PLXDC2: variants seen among roughly 807,000 people sequenced by gnomAD.
PLXDC2 encodes plexin domain containing 2.
In PLXDC2, 40 loss-of-function variants were observed where a neutral mutation model predicts 68.9. That is an observed-to-expected ratio of 0.58 (90% CI 0.45 to 0.76). The LOEUF (loss-of-function observed/expected upper bound fraction) is 0.76. PLXDC2 is among the 30% of genes least tolerant of loss of function. The pLI, the probability that PLXDC2 is intolerant of heterozygous loss-of-function variation, is 0.00. For synonymous variants in PLXDC2, 243 were observed against 234.2 expected, an observed-to-expected ratio of 1.04 and a Z score of -0.34; for missense variants, 644 against 661.9, an observed-to-expected ratio of 0.97 and a Z score of 0.30.
chr10:20,110,678 G>A (rs538934539), intron 4 of PLXDC2, among the ~76,000 whole-genome samples: 8 of 152,228 alleles, frequency 5.3e-5, no homozygotes, highest in African/African-American at 1.9e-4. Flanking sequence ...CCCCCACACT[G>A]TTCCTCCCGG....
intron 1 of PLXDC2, among the ~76,000 whole-genome samples, chr10:19,855,917 G>C (rs113685638): frequency 0.011 from 1,628 of 152,064 alleles, 11 homozygotes; most frequent in Non-Finnish European, 0.017. Context: ...AATCCCATCT[G>C]TACTAAAAAA....
intron 3 of PLXDC2, among the ~76,000 whole-genome samples, chr10:20,064,984 C>G (rs1256215933): frequency 2.0e-5 from 3 of 152,064 alleles, no homozygotes; most frequent in African/African-American, 7.2e-5. Context: ...ATGTCCAACA[C>G]TGTACCTGCT....
At chr10:20,263,751 A>G (rs1205129436) in intron 13 of PLXDC2, among the ~76,000 whole-genome samples, 1 of 152,194 alleles carries the variant, frequency 6.6e-6, no homozygotes, top group Non-Finnish European at 1.5e-5. Flanking sequence ...AAGAAATGCA[A>G]ATCAAAACAA....
intron 12 of PLXDC2, among the ~76,000 whole-genome samples, chr10:20,226,995 C>T (rs770532597): frequency 1.1e-4 from 17 of 151,914 alleles, no homozygotes; most frequent in South Asian, 2.1e-4. Flanking sequence ...TGCCCCTTCT[C>T]GGTGTGTTCT....
Position 20,282,927 on chromosome 10 carries a change from G to A in PLXDC2, c.*3108G>A, listed in dbSNP as rs1220258050. ...CAATATTATATCCACTAGCCAACGTGGCTTTTGAAATTAAAATTAATTAAA... is the reference window on the plus strand; with the variant it reads ...CAATATTATATCCACTAGCCAACGTAGCTTTTGAAATTAAAATTAATTAAA... On this transcript the variant is annotated 3_prime_UTR_variant, in exon 14 of 14. Coordinates refer to ENST00000377252, the MANE Select transcript of PLXDC2 (RefSeq NM_032812.9). 1 of 152,058 alleles carries A rather than the reference G, an allele frequency of 6.6e-6. No homozygotes were observed. Among genetic ancestry groups the A allele is most frequent in the African/African-American group, 2.4e-5 (1 of 41,406 alleles). The allele number at this position is 152,058 out of a possible 1,614,324, so 9.4% of individuals were successfully genotyped here. A position where few individuals can be genotyped will look rare whatever the true frequency, so the allele number is the denominator to read the frequency against.
chr10:20,138,158 A>G (rs1346930212), intron 4 of PLXDC2, among the ~76,000 whole-genome samples: 1 of 152,210 alleles, frequency 6.6e-6, no homozygotes, highest in African/African-American at 2.4e-5. Context: ...TTGTATCCAG[A>G]AATATACCAC....
At chr10:20,270,822 G>A (rs1363855469) in intron 13 of PLXDC2, among the ~76,000 whole-genome samples, 5 of 151,852 alleles carry the variant, frequency 3.3e-5, no homozygotes, top group South Asian at 2.1e-4. Flanking sequence ...GTGCCCTGCC[G>A]AAATTGAATT....
intron 12 of PLXDC2, among the ~76,000 whole-genome samples, chr10:20,238,995 T>A (rs957652949): frequency 6.6e-6 from 1 of 152,026 alleles, no homozygotes; most frequent in Admixed American, 6.6e-5. Flanking sequence ...AAAAAGACCT[T>A]TACTTTGGAG....
chr10:20,225,713 G>A (rs1835277173), intron 12 of PLXDC2, among the ~76,000 whole-genome samples: 1 of 152,126 alleles, frequency 6.6e-6, no homozygotes, highest in Non-Finnish European at 1.5e-5. Context: ...AGTCTGAGAT[G>A]TAATTGTTAT....
At chr10:20,175,860 T>C (rs957179636) in intron 7 of PLXDC2, among the ~76,000 whole-genome samples, 4 of 152,104 alleles carry the variant, frequency 2.6e-5, no homozygotes, top group Admixed American at 2.0e-4. Flanking sequence ...GCCCCACTAA[T>C]TACTGATAGA....
chr10:19,932,528 C>T (rs750500692), intron 1 of PLXDC2, among the ~76,000 whole-genome samples: 2 of 152,154 alleles, frequency 1.3e-5, no homozygotes, highest in Non-Finnish European at 2.9e-5. Flanking sequence ...CACTATACAG[C>T]GTTTTATGAT....
intron 1 of PLXDC2, among the ~76,000 whole-genome samples, chr10:19,830,479 T>C (rs1442174695): frequency 1.3e-5 from 2 of 152,252 alleles, no homozygotes; most frequent in African/African-American, 4.8e-5. Context: ...GTTCTTCCTC[T>C]CTTCCATACT....
chr10:20,092,697 G>A (rs1833296450), intron 4 of PLXDC2, among the ~76,000 whole-genome samples: 1 of 152,040 alleles, frequency 6.6e-6, no homozygotes, highest in Admixed American at 6.6e-5. Flanking sequence ...AAAGTCATTG[G>A]AGACAGGATC....
At chr10:19,948,152 T>C (rs1275336061) in intron 1 of PLXDC2, among the ~76,000 whole-genome samples, 2 of 152,180 alleles carry the variant, frequency 1.3e-5, no homozygotes, top group Non-Finnish European at 2.9e-5. Flanking sequence ...ATTAAATTAA[T>C]ACCCAAAGGT....
At chr10:19,836,638 C>G (rs4626973) in intron 1 of PLXDC2, among the ~76,000 whole-genome samples, 14,261 of 152,156 alleles carry the variant, frequency 0.094, 934 homozygotes, top group Non-Finnish European at 0.14. Context: ...TCAGTGAAGT[C>G]TGGGGCTACG....
At chr10:20,046,770 T>C (rs1835805339) in intron 2 of PLXDC2, 99 bp from the exon 3 acceptor site, 1 of 1,255,812 alleles carries the variant, frequency 8.0e-7, no homozygotes, top group South Asian at 1.8e-5. Flanking sequence ...TTTGCTCTTT[T>C]AAAAACTATT....
chr10:20,146,244 C>T (rs944954296), intron 5 of PLXDC2, among the ~76,000 whole-genome samples: 1 of 152,102 alleles, frequency 6.6e-6, no homozygotes, highest in African/African-American at 2.4e-5. Flanking sequence ...AGGCATTTCA[C>T]AATCAGAAAA....
chr10:20,082,843 T>C (rs942576727), intron 4 of PLXDC2, among the ~76,000 whole-genome samples: 7 of 152,164 alleles, frequency 4.6e-5, no homozygotes, highest in African/African-American at 1.4e-4. Context: ...TAGAGTAGAA[T>C]ACTATGTGGC....
intron 9 of PLXDC2, 107 bp downstream of exon 9, chr10:20,177,516 C>A: frequency 2.2e-6 from 1 of 456,516 alleles, no homozygotes; most frequent in South Asian, 7.1e-5. Context: ...ACTTGTAATC[C>A]CAGCACTTTG....
Sources: gnomAD v4.1 joint callset for allele counts (sites outside exome capture counted in the v4.1 genomes callset) on GRCh38, gnomAD v4.1.1 for gene constraint, MANE v1.5 for transcripts, NCBI Gene and HGNC (gene_info 2026-07-23, HGNC 2026-07-21) for gene names.